Variants in CLSTN2 observed in about 807,000 individuals in gnomAD.
CLSTN2 encodes calsyntenin 2.
In CLSTN2, 48 loss-of-function variants were observed where a neutral mutation model predicts 101.2. That is an observed-to-expected ratio of 0.47 (90% CI 0.38 to 0.60). The LOEUF (loss-of-function observed/expected upper bound fraction) is 0.60, where lower values mean the gene tolerates loss of function less well. Among genes scored for constraint, CLSTN2 ranks in the 20% least tolerant of loss-of-function variants. CLSTN2 has a pLI of 0.00. For synonymous variants in CLSTN2, 481 were observed against 463.6 expected, an observed-to-expected ratio of 1.04 and a Z score of -0.48; for missense variants, 1,160 against 1,238.2, an observed-to-expected ratio of 0.94 and a Z score of 0.95.
intron 9 of CLSTN2, among the ~76,000 whole-genome samples, chr3:140,542,209 C>T (rs977312684): frequency 2.6e-5 from 4 of 152,160 alleles, no homozygotes; most frequent in Non-Finnish European, 5.9e-5. Context: ...CTTAGAACAT[C>T]TATCATACTG....
intron 1 of CLSTN2, among the ~76,000 whole-genome samples, chr3:140,068,357 G>A (rs888580856): frequency 1.3e-5 from 2 of 152,162 alleles, no homozygotes; most frequent in African/African-American, 4.8e-5. Flanking sequence ...AACCCTTTTA[G>A]AGTTCTTATA....
chr3:140,555,205 C>G, intron 10 of CLSTN2, among the ~76,000 whole-genome samples: 1 of 152,188 alleles, frequency 6.6e-6, no homozygotes, highest in East Asian at 1.9e-4. Context: ...GTTATTAAAT[C>G]TTCCATAGCG....
chr3:140,345,315 C>T (rs1388806662), intron 2 of CLSTN2, among the ~76,000 whole-genome samples: 1 of 146,192 alleles, frequency 6.8e-6, no homozygotes, highest in African/African-American at 2.5e-5. Context: ...ATGGCGTGAT[C>T]TCGGCTCACT....
chr3:140,546,989 C>T (rs925275219), intron 10 of CLSTN2, among the ~76,000 whole-genome samples: 3 of 152,138 alleles, frequency 2.0e-5, no homozygotes, highest in Non-Finnish European at 4.4e-5. Flanking sequence ...TTTGTTTGTG[C>T]GTTAGTTGGC....
At chr3:140,023,842 A>G (rs1560072633) in intron 1 of CLSTN2, among the ~76,000 whole-genome samples, 1 of 152,134 alleles carries the variant, frequency 6.6e-6, no homozygotes, top group Admixed American at 6.5e-5. Flanking sequence ...TCTCAGGAAA[A>G]GTGCCCAGGC....
intron 2 of CLSTN2, among the ~76,000 whole-genome samples, chr3:140,352,666 T>G (rs1396379349): frequency 2.6e-5 from 4 of 152,212 alleles, no homozygotes; most frequent in African/African-American, 4.8e-5. Flanking sequence ...TACAGCAGTC[T>G]TTTCCCTTAT....
chr3:140,347,222 A>G (rs1336028968), intron 2 of CLSTN2, among the ~76,000 whole-genome samples: 1 of 152,230 alleles, frequency 6.6e-6, no homozygotes, highest in Admixed American at 6.5e-5. Context: ...TAGACCAACA[A>G]CAACAAGAAA....
intron 8 of CLSTN2, among the ~76,000 whole-genome samples, chr3:140,513,653 A>G (rs1210167081): frequency 6.7e-6 from 1 of 149,450 alleles, no homozygotes; most frequent in African/African-American, 2.5e-5. Flanking sequence ...GCCTCATAAA[A>G]TGAGTTAGGT....
chr3:140,475,728 G>C (rs1032119701), intron 8 of CLSTN2, among the ~76,000 whole-genome samples: 1 of 152,104 alleles, frequency 6.6e-6, no homozygotes, highest in Admixed American at 6.5e-5. Flanking sequence ...TTCCTGAGGA[G>C]CACCTGCTCA....
At chr3:140,114,838 C>T (rs1171232009) in intron 1 of CLSTN2, among the ~76,000 whole-genome samples, 10 of 152,180 alleles carry the variant, frequency 6.6e-5, no homozygotes. Context: ...ACCTTCACCT[C>T]TGCCCCCTCC....
At chr3:140,482,908 G>C (rs1033906801) in intron 8 of CLSTN2, among the ~76,000 whole-genome samples, 1 of 152,030 alleles carries the variant, frequency 6.6e-6, no homozygotes, top group Non-Finnish European at 1.5e-5. Flanking sequence ...TGGATTCATT[G>C]ATTTTTTGAA....
At chr3:140,093,980 G>T (rs1011259286) in intron 1 of CLSTN2, among the ~76,000 whole-genome samples, 1 of 152,176 alleles carries the variant, frequency 6.6e-6, no homozygotes, top group Non-Finnish European at 1.5e-5. Flanking sequence ...CTGCCCGGGG[G>T]AATCTGAAAT....
intron 2 of CLSTN2, among the ~76,000 whole-genome samples, chr3:140,295,735 A>C (rs1198898322): frequency 1.3e-5 from 2 of 152,216 alleles, no homozygotes; most frequent in African/African-American, 4.8e-5. Context: ...ACTCAGGACG[A>C]CCATTGCCTT....
At chr3:140,293,055 A>C (rs2086969849) in intron 2 of CLSTN2, among the ~76,000 whole-genome samples, 1 of 152,244 alleles carries the variant, frequency 6.6e-6, no homozygotes, top group African/African-American at 2.4e-5. Flanking sequence ...GGAGAAGCCT[A>C]GCAAAGAGGA....
chr3:140,103,548 A>G (rs1481901297), intron 1 of CLSTN2, among the ~76,000 whole-genome samples: 2 of 152,202 alleles, frequency 1.3e-5, no homozygotes, highest in African/African-American at 2.4e-5. Context: ...TGAGTTCTGC[A>G]TTCATGTATT....
At chr3:140,552,263 C>T (rs1007637034) in intron 10 of CLSTN2, among the ~76,000 whole-genome samples, 1 of 152,122 alleles carries the variant, frequency 6.6e-6, no homozygotes, top group Non-Finnish European at 1.5e-5. Flanking sequence ...AGCACAGATA[C>T]CCAAGGGCGA....
chr3:140,178,896 C>T (rs1276610999), intron 2 of CLSTN2, among the ~76,000 whole-genome samples: 1 of 152,090 alleles, frequency 6.6e-6, no homozygotes, highest in Non-Finnish European at 1.5e-5. Context: ...GTCTTTATTT[C>T]TCATTTAGCC....
intron 2 of CLSTN2, among the ~76,000 whole-genome samples, chr3:140,310,293 G>A (rs897734764): frequency 2.0e-4 from 25 of 122,778 alleles, no homozygotes; most frequent in African/African-American, 7.4e-4. Flanking sequence ...CCCCCTCCCC[G>A]CCCTGAAGTT....
chr3:140,168,812 G>A (rs947691914), intron 1 of CLSTN2, among the ~76,000 whole-genome samples: 9 of 151,996 alleles, frequency 5.9e-5, no homozygotes, highest in Non-Finnish European at 8.8e-5. Flanking sequence ...CCATATGTAT[G>A]TGTCTATTTC....
Sources: gnomAD v4.1 joint callset for allele counts (sites outside exome capture counted in the v4.1 genomes callset) on GRCh38, gnomAD v4.1.1 for gene constraint, MANE v1.5 for transcripts, NCBI Gene and HGNC (gene_info 2026-07-23, HGNC 2026-07-21) for gene names.